The following OXR1 variants were observed in gnomAD, a reference collection of about 807,000 sequenced individuals.
OXR1 encodes oxidation resistance protein 1.
Under a neutral mutation model 104.6 loss-of-function variants are expected in OXR1, and 41 were observed. That is an observed-to-expected ratio of 0.39 (90% CI 0.31 to 0.51). The LOEUF is 0.51. OXR1 is among the 20% of genes least tolerant of loss of function. OXR1 has a pLI of 0.77. For missense variants in OXR1, 955 were observed against 1,031.9 expected (o/e 0.93, Z 1.02); for synonymous variants, 348 against 348.4 (o/e 1.00, Z 0.01).
At chr8:106,523,931 T>C (rs1269530003) in intron 3 of OXR1, among the ~76,000 whole-genome samples, 1 of 151,952 alleles carries the variant, frequency 6.6e-6, no homozygotes, top group African/African-American at 2.4e-5. Context: ...CCCACCACCA[T>C]GCCTGGCTAA....
chr8:106,697,745 T>G (rs1830196239), intron 7 of OXR1: 1 of 1,613,862 alleles, frequency 6.2e-7, no homozygotes, highest in East Asian at 2.2e-5. Flanking sequence ...ATCTTCTCCA[T>G]CTGCTTGAAG....
At chr8:106,658,342 C>T (rs957092812) in intron 3 of OXR1, among the ~76,000 whole-genome samples, 10 of 152,196 alleles carry the variant, frequency 6.6e-5, no homozygotes, top group African/African-American at 2.4e-4. Context: ...CCGCCGGGGG[C>T]GAGGAAGGAA....
At chr8:106,431,032 T>A (rs1052829974) in intron 2 of OXR1, among the ~76,000 whole-genome samples, 9 of 152,134 alleles carry the variant, frequency 5.9e-5, no homozygotes, top group Non-Finnish European at 1.0e-4. Flanking sequence ...AGCCTTTCAG[T>A]TTCTACACAC....
rs577105769 is a variant in OXR1, at chr8:106,471,133, G to A, written c.24-47810G>A. The stretch of plus-strand genomic sequence containing the variant: ...GGATCAAAAGAAAGTATTTATGAGA[G>A]TAAAAACAGCATGTTTATATGCTGA... On this transcript the variant is annotated intron_variant, in intron 2 of 16. Transcript: ENST00000517566. Among the ~76,000 whole-genome samples the A allele has an allele frequency of 2.0e-5, 3 of 151,660 alleles. No homozygotes were observed. In the East Asian group the frequency reaches 5.9e-4, roughly 30 times the overall value.
chr8:106,291,590 A>C (rs1812753906), intron 1 of OXR1, among the ~76,000 whole-genome samples: 1 of 152,188 alleles, frequency 6.6e-6, no homozygotes, highest in Non-Finnish European at 1.5e-5. Context: ...TCACAGTCTG[A>C]AAATATTAAA....
chr8:106,464,829 T>A (rs1215109678), intron 2 of OXR1, among the ~76,000 whole-genome samples: 1 of 152,068 alleles, frequency 6.6e-6, no homozygotes, highest in Non-Finnish European at 1.5e-5. Context: ...TGGACTGTCA[T>A]CTCTTATCTG....
At chr8:106,275,701 C>T (rs1317223680) in intron 1 of OXR1, among the ~76,000 whole-genome samples, 1 of 152,078 alleles carries the variant, frequency 6.6e-6, no homozygotes. Flanking sequence ...TCTGGCATGT[C>T]AATTATTGTG....
intron 3 of OXR1, among the ~76,000 whole-genome samples, chr8:106,670,629 T>G (rs911291165): frequency 6.6e-6 from 1 of 152,134 alleles, no homozygotes; most frequent in East Asian, 1.9e-4. Context: ...AGGACCTTTG[T>G]AGATGGATTT....
intron 3 of OXR1, chr8:106,604,829 A>G (rs1820245136): frequency 6.6e-6 from 1 of 152,188 alleles, no homozygotes; most frequent in African/African-American, 2.4e-5. Flanking sequence ...TTATACTAAG[A>G]AGGAAGCATT....
chr8:106,397,084 A>G (rs1294520104), intron 2 of OXR1, among the ~76,000 whole-genome samples: 1 of 152,104 alleles, frequency 6.6e-6, no homozygotes, highest in Non-Finnish European at 1.5e-5. Context: ...AGTATCCTGG[A>G]AAGTTTGTCC....
intron 3 of OXR1, among the ~76,000 whole-genome samples, chr8:106,614,162 A>G (rs1284143729): frequency 1.3e-5 from 2 of 152,158 alleles, no homozygotes; most frequent in African/African-American, 4.8e-5. Flanking sequence ...AAATTACCCA[A>G]GTCTTGGAAA....
chr8:106,326,528 A>T (rs2130201318), intron 1 of OXR1, among the ~76,000 whole-genome samples: 1 of 152,374 alleles, frequency 6.6e-6, no homozygotes, highest in African/African-American at 2.4e-5. Context: ...TTCTGATTAG[A>T]AAATTTTGTT....
chr8:106,604,147 T>G (rs1260587338), intron 3 of OXR1, among the ~76,000 whole-genome samples: 1 of 152,184 alleles, frequency 6.6e-6, no homozygotes, highest in Admixed American at 6.5e-5. Flanking sequence ...GTGTATACCG[T>G]CTATTAACTG....
chr8:106,378,113 C>A (rs17252342), intron 2 of OXR1, among the ~76,000 whole-genome samples: 1 of 152,154 alleles, frequency 6.6e-6, no homozygotes, highest in Admixed American at 6.5e-5. Context: ...GTCCATCAAC[C>A]TGTCACATTA....
intron 2 of OXR1, among the ~76,000 whole-genome samples, chr8:106,431,680 T>C (rs918876636): frequency 1.3e-5 from 2 of 152,242 alleles, no homozygotes; most frequent in Non-Finnish European, 2.9e-5. Context: ...TAACAGCACC[T>C]ATACTAGCAT....
chr8:106,590,848 G>A (rs561414910), intron 3 of OXR1, among the ~76,000 whole-genome samples: 6 of 152,250 alleles, frequency 3.9e-5, no homozygotes, highest in African/African-American at 9.6e-5. Context: ...CTCAGCTGGC[G>A]GGTGAGCTGA....
At chr8:106,279,810 T>G (rs1352314162) in intron 1 of OXR1, among the ~76,000 whole-genome samples, 2 of 152,186 alleles carry the variant, frequency 1.3e-5, no homozygotes, top group Admixed American at 1.3e-4. Context: ...TCAATAGAAG[T>G]GTATTCTATT....
chr8:106,382,682 GTTTTTTTTTTTT>G lies in OXR1; in HGVS notation c.23+23061_23+23072del, dbSNP rs35296978. 4.6e-5 allele frequency among the ~76,000 whole-genome samples: 4 copies of G among 86,216 alleles called. No homozygotes were observed. In the East Asian group the frequency reaches 1.6e-3, roughly 33 times the overall value. 56.6% of individuals were successfully genotyped at this position (86,216 alleles called of 152,430 possible). ...TCCTATCCAGGTCTGAGAACTATAG[GTTTTTTTTTTTT>G]TTTTTTTTTTTTTTAAGGAGAGAGA... On this transcript the variant is annotated intron_variant, in intron 2 of 16. Coordinates refer to ENST00000517566, the MANE Select transcript of OXR1 (RefSeq NM_001198533.2).
chr8:106,604,467 C>A (rs143975102), intron 3 of OXR1, among the ~76,000 whole-genome samples: 1 of 152,240 alleles, frequency 6.6e-6, no homozygotes, highest in East Asian at 1.9e-4. Context: ...TTATTGATAT[C>A]CTCCAAACCA....
Sources: allele counts gnomAD v4.1 joint callset (sites outside exome capture counted in the v4.1 genomes callset), GRCh38; gene constraint gnomAD v4.1.1; transcripts MANE v1.5; gene names NCBI Gene and HGNC (gene_info 2026-07-23, HGNC 2026-07-21).